Variants in GRM8 observed in about 807,000 individuals in gnomAD.
GRM8 encodes the protein glutamate metabotropic receptor 8.
Under a neutral mutation model 87.2 loss-of-function variants are expected in GRM8, and 47 were observed. The observed-to-expected ratio is 0.54, with a 90% CI of 0.43 to 0.69. The LOEUF (loss-of-function observed/expected upper bound fraction) is 0.69. GRM8 is among the 30% of genes least tolerant of loss of function. GRM8 has a pLI of 0.00. For missense variants in GRM8, 1,019 were observed against 1,139.2 expected (o/e 0.89, Z 1.52); for synonymous variants, 396 against 404.5 (o/e 0.98, Z 0.25).
At chr7:126,842,384 A>G (rs1796358037) in intron 6 of GRM8, among the ~76,000 whole-genome samples, 1 of 152,198 alleles carries the variant, frequency 6.6e-6, no homozygotes, top group Non-Finnish European at 1.5e-5. Context: ...CCCACCCAAA[A>G]CTATATAGTA....
intron 5 of GRM8, among the ~76,000 whole-genome samples, chr7:126,903,386 G>A (rs1802290120): frequency 6.6e-6 from 1 of 151,686 alleles, no homozygotes; most frequent in Non-Finnish European, 1.5e-5. Context: ...GATAAGCCCA[G>A]CATCATATAT....
intron 3 of GRM8, among the ~76,000 whole-genome samples, chr7:127,007,302 C>T (rs1814417077): frequency 6.6e-6 from 1 of 151,946 alleles, no homozygotes; most frequent in African/African-American, 2.4e-5. Flanking sequence ...CTAGAGAATA[C>T]ATTCATCACT....
At chr7:127,072,215 C>T (rs938162927) in intron 3 of GRM8, among the ~76,000 whole-genome samples, 3 of 152,190 alleles carry the variant, frequency 2.0e-5, no homozygotes, top group Non-Finnish European at 2.9e-5. Flanking sequence ...GCTCAGCAAG[C>T]ATTCTCCCTT....
chr7:126,475,045 A>G (rs1388242074), intron 9 of GRM8, among the ~76,000 whole-genome samples: 1 of 152,172 alleles, frequency 6.6e-6, no homozygotes, highest in Admixed American at 6.5e-5. Flanking sequence ...TGAAAAGCTG[A>G]TAGCTTTTCC....
At chr7:126,738,939 T>G (rs727904) in intron 7 of GRM8, among the ~76,000 whole-genome samples, 3,481 of 151,984 alleles carry the variant, frequency 0.023, 133 homozygotes, top group African/African-American at 0.08. Flanking sequence ...TCAGATGCTT[T>G]AACAACATAA....
At chr7:126,800,438 C>A (rs554154685) in intron 6 of GRM8, among the ~76,000 whole-genome samples, 1 of 152,078 alleles carries the variant, frequency 6.6e-6, no homozygotes, top group African/African-American at 2.4e-5. Flanking sequence ...GTAATGCAGC[C>A]ATGCCCTAGT....
In GRM8 at chr7:127,231,716, T is replaced by C. The variant is rs372988898; in HGVS notation, c.510+10979A>G. ...CTGGTGCAGGCCTGTGTTTCTGTCC[T>C]TACCACACATGGAAAAGAAAGGGAA... On this transcript the variant is annotated intron_variant, in intron 2 of 10. Coordinates refer to ENST00000339582, the MANE Select transcript of GRM8 (RefSeq NM_000845.3). Among the ~76,000 whole-genome samples the C allele has an allele frequency of 4.6e-5, 7 of 151,382 alleles. 1 individual carries two copies. The East Asian group carries it at 1.4e-3, about 29-fold the overall frequency.
chr7:126,789,222 T>A (rs1198485251), intron 6 of GRM8, among the ~76,000 whole-genome samples: 1 of 151,824 alleles, frequency 6.6e-6, no homozygotes, highest in Non-Finnish European at 1.5e-5. Context: ...CTAATAATGT[T>A]CAAAAGACTA....
intron 9 of GRM8, among the ~76,000 whole-genome samples, chr7:126,510,441 T>C (rs1198820482): frequency 6.6e-6 from 1 of 152,064 alleles, no homozygotes. Flanking sequence ...CCAATATCTC[T>C]TGGCATACTC....
intron 2 of GRM8, among the ~76,000 whole-genome samples, chr7:127,169,178 TG>T (rs1426319455): frequency 6.6e-6 from 1 of 151,734 alleles, no homozygotes; most frequent in Non-Finnish European, 1.5e-5. Flanking sequence ...AGCCAAGTCG[TG>T]AATATGAAGA....
At chr7:126,682,352 C>A (rs2151335318) in intron 7 of GRM8, among the ~76,000 whole-genome samples, 1 of 152,324 alleles carries the variant, frequency 6.6e-6, no homozygotes, top group East Asian at 1.9e-4. Flanking sequence ...ACATCTCAGG[C>A]ACTGTCTTGG....
At chr7:127,006,289 T>C (rs1471093796) in intron 3 of GRM8, among the ~76,000 whole-genome samples, 4 of 150,412 alleles carry the variant, frequency 2.7e-5, no homozygotes, top group African/African-American at 4.8e-5. Context: ...TTCCCCTCCT[T>C]TGCTGCTTCC....
chr7:126,893,775 G>A (rs1365601964), intron 6 of GRM8, among the ~76,000 whole-genome samples: 6 of 151,780 alleles, frequency 4.0e-5, no homozygotes, highest in Non-Finnish European at 5.9e-5. Context: ...AAGACTCTTC[G>A]GTAGTCTTGA....
intron 3 of GRM8, among the ~76,000 whole-genome samples, chr7:127,052,325 T>C (rs1819573657): frequency 6.6e-6 from 1 of 152,186 alleles, no homozygotes; most frequent in Non-Finnish European, 1.5e-5. Context: ...GCCCCTTCTC[T>C]TTATCCCCTC....
intron 2 of GRM8, among the ~76,000 whole-genome samples, chr7:127,131,763 G>A (rs1441833941): frequency 6.6e-6 from 1 of 151,830 alleles, no homozygotes; most frequent in African/African-American, 2.4e-5. Context: ...CCATAATTTT[G>A]TGGTGGGAGA....
intron 9 of GRM8, among the ~76,000 whole-genome samples, chr7:126,492,497 C>T (rs1201556385): frequency 6.6e-6 from 1 of 152,042 alleles, no homozygotes; most frequent in East Asian, 1.9e-4. Flanking sequence ...CTGACTTACA[C>T]AAGGGCATGG....
chr7:127,108,905 C>A (rs2133102287), intron 2 of GRM8, among the ~76,000 whole-genome samples: 1 of 152,264 alleles, frequency 6.6e-6, no homozygotes, highest in African/African-American at 2.4e-5. Flanking sequence ...TATTTTTTCA[C>A]TCTACAATAA....
At chr7:126,715,632 A>C (rs952403067) in intron 7 of GRM8, among the ~76,000 whole-genome samples, 2 of 152,200 alleles carry the variant, frequency 1.3e-5, no homozygotes, top group Non-Finnish European at 2.9e-5. Context: ...AATCTCCAAA[A>C]AAATTTCCAA....
At chr7:127,106,232 C>T (rs564395034) in intron 3 of GRM8, among the ~76,000 whole-genome samples, 2 of 152,262 alleles carry the variant, frequency 1.3e-5, no homozygotes, top group Non-Finnish European at 2.9e-5. Flanking sequence ...CAGCAAACTC[C>T]CTTGTCAAAA....
Sources: allele counts gnomAD v4.1 joint callset (sites outside exome capture counted in the v4.1 genomes callset), GRCh38; gene constraint gnomAD v4.1.1; transcripts MANE v1.5; gene names NCBI Gene and HGNC (gene_info 2026-07-23, HGNC 2026-07-21).